CSMD1: variants seen among roughly 807,000 people sequenced by gnomAD.
The protein encoded by CSMD1 is CUB and Sushi multiple domains 1.
CSMD1 carries 213 observed loss-of-function variants against 417.5 expected under a neutral mutation model. The ratio of observed to expected loss-of-function variants is 0.51; its 90% CI spans 0.46 to 0.57. The LOEUF (loss-of-function observed/expected upper bound fraction) is 0.57. Among genes scored for constraint, CSMD1 ranks in the 20% least tolerant of loss-of-function variants. The probability of loss-of-function intolerance (pLI) is 0.00; values close to 1 mark genes in which losing one functional copy is unlikely to be tolerated. For synonymous variants in CSMD1, 2,862 were observed against 1,736.8 expected (o/e 1.65, Z -16.11); for missense variants, 6,923 against 4,529.7 (o/e 1.53, Z -15.17).
intron 6 of CSMD1, among the ~76,000 whole-genome samples, chr8:3,713,099 C>G (rs1200383781): frequency 1.3e-5 from 2 of 151,978 alleles, no homozygotes; most frequent in Non-Finnish European, 2.9e-5. Flanking sequence ...TTTCTGATAA[C>G]AACATTTAGG....
chr8:4,688,166 G>C (rs948825407), intron 1 of CSMD1, among the ~76,000 whole-genome samples: 4 of 152,088 alleles, frequency 2.6e-5, no homozygotes, highest in African/African-American at 9.7e-5. Flanking sequence ...TTGATTCTAG[G>C]AGTTTTTTGT....
At position 3,384,720 on chromosome 8, in the gene CSMD1, A is replaced by AATATATATTTATATAATTATATAAATAT. The variant is rs10662888; in HGVS notation, c.2782+2773_2782+2774insATATTTATATAATTATATAAATATATAT. Reference sequence around the variant, plus strand: ...ATAAATTATATATAAATATATTTATAATATTTATATATATTATATAAATAT... The same window carrying AATATATATTTATATAATTATATAAATAT: ...ATAAATTATATATAAATATATTTATAATATATATTTATATAATTATATAAATATATATTTATATATATTATATAAATAT... On this transcript the variant is annotated intron_variant, in intron 18 of 69. Transcript: ENST00000635120. Among the ~76,000 whole-genome samples the AATATATATTTATATAATTATATAAATAT allele has an allele frequency of 2.9e-3, 342 of 118,292 alleles. 1 individual carries two copies. Among genetic ancestry groups the AATATATATTTATATAATTATATAAATAT allele is most frequent in the African/African-American group, 0.011 (330 of 29,620 alleles). The allele number at this position is 118,292 out of a possible 152,430, so 77.6% of individuals were successfully genotyped here.
At position 3,359,276 on chromosome 8, in the gene CSMD1, G is replaced by C. The variant is rs904100662; in HGVS notation, c.3180C>G (p.His1060Gln). 1.2e-6 allele frequency: 2 copies of C among 1,613,870 alleles called. No individual in the cohort carries two copies. Among genetic ancestry groups the C allele is most frequent in the Non-Finnish European group, 1.7e-6 (2 of 1,179,832 alleles). The stretch of plus-strand genomic sequence containing the variant: ...ACGTCAGAGAGTCTCCCACACCAAA[G>C]TGAAAACCAATTCTTCGGCTGAAGG... ...VPAFSRRIGF[H>Q]FGVGDSLTFS... Residue 1060 changes from histidine (H) to glutamine (Q), a missense_variant, in exon 21 of 70, where the codon CAC becomes CAG. Transcript: ENST00000635120.
At chr8:3,495,457 G>A (rs541541509) in intron 10 of CSMD1, among the ~76,000 whole-genome samples, 2 of 152,270 alleles carry the variant, frequency 1.3e-5, no homozygotes, top group Middle Eastern at 3.4e-3. Flanking sequence ...GTGGAAAAAG[G>A]GCCATTCTGT....
At chr8:3,068,902 G>A (rs1465724483) in intron 49 of CSMD1, among the ~76,000 whole-genome samples, 1 of 149,436 alleles carries the variant, frequency 6.7e-6, no homozygotes, top group Non-Finnish European at 1.5e-5. Context: ...TTTCTCCCCT[G>A]ACCCCTCCCA....
intron 5 of CSMD1, among the ~76,000 whole-genome samples, chr8:3,860,843 A>G (rs967436186): frequency 1.3e-5 from 2 of 152,212 alleles, no homozygotes; most frequent in Non-Finnish European, 2.9e-5. Flanking sequence ...CTCTAAGAAA[A>G]ATATACAATC....
intron 2 of CSMD1, among the ~76,000 whole-genome samples, chr8:4,428,334 T>A (rs567374980): frequency 6.6e-6 from 1 of 152,290 alleles, no homozygotes; most frequent in African/African-American, 2.4e-5. Flanking sequence ...CCTTTCTCTA[T>A]CATCTAGTAC....
intron 3 of CSMD1, among the ~76,000 whole-genome samples, chr8:4,359,644 C>G (rs531456180): frequency 6.6e-6 from 1 of 152,170 alleles, no homozygotes; most frequent in African/African-American, 2.4e-5. Context: ...TCATGCTCCC[C>G]TTGCAAATGT....
intron 12 of CSMD1, among the ~76,000 whole-genome samples, chr8:3,439,281 G>GTATATATATATATATA (rs1168340584): frequency 9.4e-4 from 51 of 54,314 alleles, no homozygotes; most frequent in Admixed American, 2.4e-3. Flanking sequence ...GGCAATGTCA[G>GTATATATATATATATA]TATATATATA....
At chr8:4,062,578 T>A (rs939218019) in intron 3 of CSMD1, among the ~76,000 whole-genome samples, 4 of 151,080 alleles carry the variant, frequency 2.6e-5, no homozygotes, top group Admixed American at 2.6e-4. Flanking sequence ...CCTATAAAAG[T>A]TTTCAGTGAT....
chr8:4,077,957 G>C (rs567545921), intron 3 of CSMD1, among the ~76,000 whole-genome samples: 1 of 152,148 alleles, frequency 6.6e-6, no homozygotes, highest in African/African-American at 2.4e-5. Context: ...TACTCGCCCT[G>C]CATGTGTGTC....
intron 1 of CSMD1, among the ~76,000 whole-genome samples, chr8:4,864,962 T>A (rs1802342040): frequency 1.4e-4 from 1 of 7,268 alleles, no homozygotes; most frequent in African/African-American, 1.5e-4. Flanking sequence ...CATATTTAAA[T>A]ATTATAATAT....
intron 3 of CSMD1, among the ~76,000 whole-genome samples, chr8:4,350,165 T>A (rs1379048240): frequency 2.6e-5 from 4 of 152,128 alleles, no homozygotes. Flanking sequence ...TGGTCCTTAT[T>A]GTTACAAGCC....
At chr8:3,428,945 C>G (rs539665926) in intron 12 of CSMD1, among the ~76,000 whole-genome samples, 1 of 152,288 alleles carries the variant, frequency 6.6e-6, no homozygotes, top group African/African-American at 2.4e-5. Flanking sequence ...GACAGAAAGA[C>G]AAGCACATCA....
chr8:3,036,222 T>G (rs1810665663), intron 50 of CSMD1, among the ~76,000 whole-genome samples: 1 of 152,214 alleles, frequency 6.6e-6, no homozygotes, highest in Non-Finnish European at 1.5e-5. Context: ...AGTGACAGGA[T>G]AGAAGAATAA....
chr8:4,889,731 C>T (rs899698488), intron 1 of CSMD1, among the ~76,000 whole-genome samples: 6 of 152,032 alleles, frequency 3.9e-5, no homozygotes, highest in Non-Finnish European at 8.8e-5. Flanking sequence ...CTTAATAGGT[C>T]CTTGGCTATT....
intron 1 of CSMD1, chr8:4,788,117 A>G: frequency 6.2e-7 from 1 of 1,603,268 alleles, no homozygotes; most frequent in Non-Finnish European, 8.5e-7. Context: ...GCAGGGTTGT[A>G]GTGTTGATGG....
Position 4,491,588 on chromosome 8 carries a change from C to T in CSMD1, c.303-71523G>A, listed in dbSNP as rs147919676. On this transcript the variant is annotated intron_variant, in intron 2 of 69. Transcript: ENST00000635120. ...AAAAAAAGTGGGCAAAAGGTCTGAA[C>T]AGACACCTCATGAAAAAAGATACAA... Among the ~76,000 whole-genome samples the T allele has an allele frequency of 2.3e-3, 349 of 152,222 alleles. 1 individual carries two copies. The highest frequency in any genetic ancestry group is 7.9e-3 in the African/African-American group (328 of 41,530).
At chr8:4,535,889 A>G (rs950500506) in intron 2 of CSMD1, among the ~76,000 whole-genome samples, 1 of 152,118 alleles carries the variant, frequency 6.6e-6, no homozygotes, top group African/African-American at 2.4e-5. Context: ...TTACTTCTTT[A>G]CTTTTATAAT....
Sources: gnomAD v4.1 joint callset for allele counts (sites outside exome capture counted in the v4.1 genomes callset) on GRCh38, gnomAD v4.1.1 for gene constraint, MANE v1.5 for transcripts, NCBI Gene and HGNC (gene_info 2026-07-23, HGNC 2026-07-21) for gene names.